The following RHOQ variants were observed in gnomAD, a reference collection of about 807,000 sequenced individuals.
RHOQ encodes ras homolog family member Q.
In RHOQ, 7 loss-of-function variants were observed where a neutral mutation model predicts 25.8. The observed-to-expected ratio is 0.27, with a 90% CI of 0.15 to 0.51. RHOQ has a LOEUF of 0.51. RHOQ is among the 20% of genes least tolerant of loss of function. The pLI is 0.97. For missense variants in RHOQ, 165 were observed against 260.6 expected, an observed-to-expected ratio of 0.63 and a Z score of 2.53; for synonymous variants, 97 against 98.6, an observed-to-expected ratio of 0.98 and a Z score of 0.10.
intron 2 of RHOQ, among the ~76,000 whole-genome samples, chr2:46,564,535 T>C (rs1668669185): frequency 6.6e-6 from 1 of 152,188 alleles, no homozygotes; most frequent in South Asian, 2.1e-4. Flanking sequence ...TTGCACTGTA[T>C]GCGTTTATTT....
At chr2:46,546,192 G>A (rs940427060) in intron 2 of RHOQ, among the ~76,000 whole-genome samples, 2 of 151,742 alleles carry the variant, frequency 1.3e-5, no homozygotes, top group Admixed American at 6.6e-5. Flanking sequence ...TGCACCTGGG[G>A]AGTGCAAAGG....
At chr2:46,574,019 G>T (rs910447205) in intron 2 of RHOQ, among the ~76,000 whole-genome samples, 1 of 152,210 alleles carries the variant, frequency 6.6e-6, no homozygotes, top group African/African-American at 2.4e-5. Context: ...GCAAGTGTGG[G>T]ACTCAGGGGA....
intron 4 of RHOQ, among the ~76,000 whole-genome samples, chr2:46,579,081 A>G (rs1054136370): frequency 7.6e-4 from 116 of 152,308 alleles, no homozygotes; most frequent in African/African-American, 2.7e-3. Context: ...ACTTCATACT[A>G]TCTGTTAAGA....
At chr2:46,559,846 C>T (rs1668517755) in intron 2 of RHOQ, among the ~76,000 whole-genome samples, 1 of 152,144 alleles carries the variant, frequency 6.6e-6, no homozygotes, top group Non-Finnish European at 1.5e-5. Flanking sequence ...TACTCTTCTG[C>T]CCGAGGGATT....
rs566036815 is a variant in RHOQ, at chr2:46,571,080, T to G, written c.202-5007T>G. ...GACTAAAGTCGCATTCCTAGCATGT[T>G]GGATACGTTCAAGTTCTCTCCATTC... On this transcript the variant is annotated intron_variant, in intron 2 of 4. Coordinates refer to ENST00000238738, the MANE Select transcript of RHOQ (RefSeq NM_012249.4). Among the ~76,000 whole-genome samples, 11 of 152,370 alleles carry G rather than the reference T, an allele frequency of 7.2e-5. No individual in the cohort carries two copies. In the South Asian group the frequency reaches 1.0e-3, roughly 14 times the overall value.
At chr2:46,546,909 G>A (rs1668087527) in intron 2 of RHOQ, among the ~76,000 whole-genome samples, 1 of 152,050 alleles carries the variant, frequency 6.6e-6, no homozygotes, top group African/African-American at 2.4e-5. Flanking sequence ...TTTCAACCAA[G>A]GTGTGCAACA....
chr2:46,575,677 G>A (rs577723737), intron 2 of RHOQ, among the ~76,000 whole-genome samples: 7 of 152,064 alleles, frequency 4.6e-5, no homozygotes, highest in Non-Finnish European at 8.8e-5. Context: ...GATTAAATAA[G>A]TAATCCATGA....
intron 2 of RHOQ, among the ~76,000 whole-genome samples, chr2:46,563,295 G>A (rs180872703): frequency 6.6e-6 from 1 of 152,292 alleles, no homozygotes; most frequent in Non-Finnish European, 1.5e-5. Flanking sequence ...GAGCTTCTTT[G>A]ATCCTATTTC....
In RHOQ at chr2:46,569,141, C is replaced by T. The variant is rs1183944559; in HGVS notation, c.202-6946C>T. Reference sequence around the variant, plus strand: ...TGTGGTTTGTCTTTTTTTGGAAAGTCAGGCTTGTCTGCCAAAGAGCTCGAA... The same window carrying T: ...TGTGGTTTGTCTTTTTTTGGAAAGTTAGGCTTGTCTGCCAAAGAGCTCGAA... On this transcript the variant is annotated intron_variant, in intron 2 of 4. Coordinates refer to ENST00000238738, the MANE Select transcript of RHOQ (RefSeq NM_012249.4). The surrounding 1 kb of genome is among the most constrained non-coding windows in gnomAD (Gnocchi z 4.1). 6.6e-6 allele frequency: 1 copy of T among 152,206 alleles called. No homozygotes were observed. Among genetic ancestry groups the T allele is most frequent in the Non-Finnish European group, 1.5e-5 (1 of 68,044 alleles). The allele number at this position is 152,206 out of a possible 1,614,324, so 9.4% of individuals were successfully genotyped here. A position where few individuals can be genotyped will look rare whatever the true frequency, so the allele number is the denominator to read the frequency against.
At position 46,582,125 on chromosome 2, in the gene RHOQ, G is replaced by A. The variant is rs1358953539; in HGVS notation, c.*1042G>A. 6.5e-6 allele frequency: 1 copy of A among 153,712 alleles called. No individual in the cohort carries two copies. The highest frequency in any genetic ancestry group is 1.9e-4 in the East Asian group (1 of 5,218). The allele number at this position is 153,712 out of a possible 1,614,324, so 9.5% of individuals were successfully genotyped here. A position where few individuals can be genotyped will look rare whatever the true frequency, so the allele number is the denominator to read the frequency against. On this transcript the variant is annotated 3_prime_UTR_variant, in exon 5 of 5. Transcript: ENST00000238738. ...TGTTGGAACCACAGCAGAAGTTATA[G>A]AGCGACAACTTATATACACACCTAG...
At chr2:46,543,315 C>T (rs1667898557) in intron 1 of RHOQ, 127 bp downstream of exon 1, 1 of 1,091,056 alleles carries the variant, frequency 9.2e-7, no homozygotes, top group Non-Finnish European at 1.3e-6. Context: ...CGCCCTCTGC[C>T]AGGCGGCCGG....
In RHOQ at chr2:46,566,622, C is replaced by T. The variant is rs911607710; in HGVS notation, c.202-9465C>T. ...GTTTTCAAATTTTGTGACTTTTTTG[C>T]GGGGGTCGGGGGCTCACCTTTTAAT... On this transcript the variant is annotated intron_variant, in intron 2 of 4. Transcript: ENST00000238738. This position sits in a 1 kb window ranked among gnomAD's most constrained non-coding sequence, Gnocchi z 4.2. Among the ~76,000 whole-genome samples the T allele has an allele frequency of 6.6e-6, 1 of 151,990 alleles. No homozygotes were observed. Among genetic ancestry groups the T allele is most frequent in the Non-Finnish European group, 1.5e-5 (1 of 68,002 alleles).
Position 46,552,733 on chromosome 2 carries a change from C to T in RHOQ, c.201+8921C>T, listed in dbSNP as rs574597731. 3.9e-5 allele frequency among the ~76,000 whole-genome samples: 6 copies of T among 152,322 alleles called. No individual in the cohort carries two copies. The South Asian group carries it at 1.2e-3, about 32-fold the overall frequency. ...AACATACATTTCCTGAGCACCAGAT[C>T]TGGGCCAGGGGCAGGTGTTAGAAGA... On this transcript the variant is annotated intron_variant, in intron 2 of 4. Transcript: ENST00000238738. This position sits in a 1 kb window ranked among gnomAD's most constrained non-coding sequence, Gnocchi z 5.0.
In RHOQ at chr2:46,581,249, G is replaced by A; in HGVS notation, c.*166G>A. On this transcript the variant is annotated 3_prime_UTR_variant, in exon 5 of 5. Transcript: ENST00000238738. ...AAGTGTATTAAGAATGTTCCTTAAA[G>A]GTTTAAGAAGCAGTAAGCAGCATCT... The A allele has an allele frequency of 2.0e-6, 2 of 984,598 alleles. No individual in the cohort carries two copies. Among genetic ancestry groups the A allele is most frequent in the East Asian group, 2.7e-5 (1 of 37,672 alleles). 61.0% of individuals were successfully genotyped at this position (984,598 alleles called of 1,614,324 possible).
chr2:46,573,207 G>C (rs1408614190), intron 2 of RHOQ, among the ~76,000 whole-genome samples: 2 of 152,098 alleles, frequency 1.3e-5, no homozygotes, highest in East Asian at 3.9e-4. Flanking sequence ...GGGATTACAG[G>C]TGTGCACCAC....
At chr2:46,571,784 A>G (rs1668922809) in intron 2 of RHOQ, among the ~76,000 whole-genome samples, 1 of 152,264 alleles carries the variant, frequency 6.6e-6, no homozygotes, top group Non-Finnish European at 1.5e-5. Flanking sequence ...GCATGGCACA[A>G]GGTAAATCGT....
intron 2 of RHOQ, among the ~76,000 whole-genome samples, chr2:46,560,370 A>G (rs538175064): frequency 6.6e-6 from 1 of 152,368 alleles, no homozygotes; most frequent in East Asian, 1.9e-4. Flanking sequence ...GAGGTCAAAG[A>G]TAAATGCATA....
rs1370040012 is a variant in RHOQ, at chr2:46,566,248, G to A, written c.202-9839G>A. On this transcript the variant is annotated intron_variant, in intron 2 of 4. Transcript: ENST00000238738. This position sits in a 1 kb window ranked among gnomAD's most constrained non-coding sequence, Gnocchi z 4.2. ...AAATGTTGAATTTGAGATGCTTCTG[G>A]TTCAGCTAAAAGGAGGTACATAGTA... is the stretch of plus-strand genomic sequence containing the variant. Among the ~76,000 whole-genome samples the A allele has an allele frequency of 2.6e-5, 4 of 152,084 alleles. No homozygotes were observed. The highest frequency in any genetic ancestry group is 5.9e-5 in the Non-Finnish European group (4 of 68,004).
At position 46,582,532 on chromosome 2, in the gene RHOQ, T is replaced by A. The variant is rs1351934221; in HGVS notation, c.*1449T>A. The stretch of plus-strand genomic sequence containing the variant: ...TCAGATAATGGTGTTAGACAAAGCT[T>A]CATTGTGAACAACCTAATGCATTTT... On this transcript the variant is annotated 3_prime_UTR_variant, in exon 5 of 5. Coordinates refer to ENST00000238738, the MANE Select transcript of RHOQ (RefSeq NM_012249.4). 1.3e-5 allele frequency: 2 copies of A among 152,316 alleles called. No individual in the cohort carries two copies. Among genetic ancestry groups the A allele is most frequent in the Non-Finnish European group, 2.9e-5 (2 of 68,032 alleles). The allele number at this position is 152,316 out of a possible 1,614,324, so 9.4% of individuals were successfully genotyped here.
Sources: gnomAD v4.1 joint callset for allele counts (sites outside exome capture counted in the v4.1 genomes callset) on GRCh38, gnomAD v4.1.1 for gene constraint, Gnocchi (gnomAD v3.1) non-coding constraint, MANE v1.5 for transcripts, NCBI Gene and HGNC (gene_info 2026-07-23, HGNC 2026-07-21) for gene names.